Variants in TTC22 observed in about 807,000 individuals in gnomAD.
The protein encoded by TTC22 is tetratricopeptide repeat domain 22, also known as tetratricopeptide repeat protein 22.
TTC22 carries 42 observed loss-of-function variants against 48.2 expected under a neutral mutation model. The ratio of observed to expected loss-of-function variants is 0.87; its 90% CI spans 0.68 to 1.13. TTC22 has a LOEUF of 1.13. Ranked by LOEUF, TTC22 falls within the 50% of genes most tolerant of loss-of-function variation. TTC22 has a pLI of 0.00. For synonymous variants in TTC22, 345 were observed against 365.5 expected, an observed-to-expected ratio of 0.94 and a Z score of 0.64; for missense variants, 784 against 807.0, an observed-to-expected ratio of 0.97 and a Z score of 0.34.
At chr1:54,785,540 A>G in intron 5 of TTC22, 2 of 452,794 alleles carry the variant, frequency 4.4e-6, no homozygotes, top group Non-Finnish European at 8.8e-6. Context: ...GGCTGGGTGT[A>G]GTGGCTCACA....
intron 5 of TTC22, chr1:54,785,164 A>T (rs1479187082): frequency 5.1e-6 from 1 of 196,084 alleles, no homozygotes; most frequent in Non-Finnish European, 1.1e-5. Flanking sequence ...TGGGATTTGA[A>T]CCAAGGCTGT....
Position 54,787,017 on chromosome 1 carries a change from G to A in TTC22, c.798C>T (p.Thr266=), listed in dbSNP as rs982194388. Residue 266 remains threonine (T), a synonymous_variant, in exon 4 of 7, where the codon ACC becomes ACT. Transcript: ENST00000371276. ...LLERKDTFST[T]PMGVHDCGYS... ...ACCCGCAGTCATGGACGCCCATGGGGGTGGTGGAGAAGGTGTCCTTCCGCT... is the reference window on the plus strand; with the variant it reads ...ACCCGCAGTCATGGACGCCCATGGGAGTGGTGGAGAAGGTGTCCTTCCGCT... The A allele has an allele frequency of 6.4e-7, 1 of 1,563,690 alleles. No homozygotes were observed. The highest frequency in any genetic ancestry group is 8.7e-7 in the Non-Finnish European group (1 of 1,155,414).
rs1355752166 is a variant in TTC22 at position 54,800,862 on chromosome 1, T to C, written c.302A>G (p.Asn101Ser). The change falls in exon 1 of 7, where the codon AAT (asparagine) becomes AGT (serine). Residue 101 changes from asparagine (N) to serine (S), a missense_variant. Transcript: ENST00000371276. ...EVAHEHPGNL[N>S]AWANLAHVYG... is the part of the protein sequence containing the mutation. ...CACGTGTGCCAGATTGGCCCAGGCA[T>C]TGAGGTTGCCCGGGTGCTCGTGGGC... 5 of 1,610,198 alleles carry C rather than the reference T, an allele frequency of 3.1e-6. No homozygotes were observed. The highest frequency in any genetic ancestry group is 4.2e-6 in the Non-Finnish European group (5 of 1,179,162).
intron 1 of TTC22, among the ~76,000 whole-genome samples, chr1:54,788,304 C>A (rs566026707): frequency 6.6e-6 from 1 of 152,266 alleles, no homozygotes; most frequent in South Asian, 2.1e-4. Context: ...ACTACAGAGA[C>A]TTTGTGAGGG....
chr1:54,793,941 C>A (rs1029732274), intron 1 of TTC22, among the ~76,000 whole-genome samples: 2 of 152,140 alleles, frequency 1.3e-5, no homozygotes, highest in African/African-American at 4.8e-5. Flanking sequence ...CCTAGACAAG[C>A]GGTTTTCAAA....
chr1:54,795,531 T>A (rs1236835728), intron 1 of TTC22, among the ~76,000 whole-genome samples: 1 of 152,154 alleles, frequency 6.6e-6, no homozygotes, highest in Non-Finnish European at 1.5e-5. Context: ...AGAGGGCCAT[T>A]CCCTATCTGG....
Position 54,781,355 on chromosome 1 carries a change from CG to C in TTC22, c.1597del (p.Arg533GlyfsTer57). ...GHTDEVLGLARALVAQGRPAL... is the reference protein window; with the variant it reads ...GHTDEVLGLAXALVAQGRPAL... ...CGGCCGTCCCTGGGCCACCAGGGCC[CG>C]GGCCAGCCCCAACACCTCGTCCGTG... On this transcript the variant is annotated frameshift_variant, in exon 7 of 7. Coordinates refer to ENST00000371276, the MANE Select transcript of TTC22 (RefSeq NM_001114108.2). LOFTEE classifies it low-confidence loss of function (END_TRUNC). 1 of 1,399,692 alleles carries C rather than the reference CG, an allele frequency of 7.1e-7. No individual in the cohort carries two copies. The allele number at this position is 1,399,692 out of a possible 1,614,324, so 86.7% of individuals were successfully genotyped here.
At chr1:54,789,593 G>C (rs908153699) in intron 1 of TTC22, among the ~76,000 whole-genome samples, 1 of 152,168 alleles carries the variant, frequency 6.6e-6, no homozygotes, top group African/African-American at 2.4e-5. Flanking sequence ...ACCCAAAAGG[G>C]GCCCCACTAA....
Position 54,800,686 on chromosome 1 carries a change from C to A in TTC22, c.478G>T (p.Asp160Tyr). Residue 160 changes from aspartate to tyrosine, a missense_variant, in exon 1 of 7, where the codon GAC (aspartate) becomes TAC (tyrosine). Transcript: ENST00000371276. ...TCCTCTGGGCTGGCGCAGCCGACGT[C>A]GAAGCCATGCGCGTAGCCCTGCTCG... Reference protein sequence around the residue: ...LAEQGYAHGFDVGCASPEERA... With the variant: ...LAEQGYAHGFYVGCASPEERA... 1 of 1,549,042 alleles carries A rather than the reference C, an allele frequency of 6.5e-7. No individual in the cohort carries two copies. The highest frequency in any genetic ancestry group is 8.6e-7 in the Non-Finnish European group (1 of 1,156,182).
At chr1:54,790,867 C>T (rs1320030993) in intron 1 of TTC22, among the ~76,000 whole-genome samples, 1 of 152,006 alleles carries the variant, frequency 6.6e-6, no homozygotes, top group African/African-American at 2.4e-5. Flanking sequence ...CCTTCTTCTT[C>T]TTCCTCTTTT....
chr1:54,785,570 G>T, intron 5 of TTC22: 1 of 452,154 alleles, frequency 2.2e-6, no homozygotes, highest in South Asian at 1.6e-5. Context: ...CCAGCACTTT[G>T]GGAGGTCGAG....
At chr1:54,797,736 CTGAA>C (rs1646403443) in intron 1 of TTC22, among the ~76,000 whole-genome samples, 1 of 152,208 alleles carries the variant, frequency 6.6e-6, no homozygotes, top group Non-Finnish European at 1.5e-5. Context: ...GGATTACGGG[CTGAA>C]TGATTAACTT....
intron 6 of TTC22, among the ~76,000 whole-genome samples, 170 bp downstream of exon 6, chr1:54,782,155 A>G (rs1009232894): frequency 2.6e-5 from 4 of 152,248 alleles, no homozygotes; most frequent in African/African-American, 7.2e-5. Context: ...GCCTTATTCT[A>G]AATACTGTAC....
chr1:54,784,473 C>T, intron 5 of TTC22: 1 of 888,136 alleles, frequency 1.1e-6, no homozygotes. Context: ...TTCTATGTGG[C>T]CTCATTTGTA....
intron 3 of TTC22, 151 bp from the exon 4 acceptor site, chr1:54,787,226 AG>A: frequency 1.8e-6 from 1 of 546,194 alleles, no homozygotes; most frequent in Non-Finnish European, 3.2e-6. Context: ...AGAGAAGCAA[AG>A]GTGGAGAGAG....
At chr1:54,795,600 C>T (rs185238529) in intron 1 of TTC22, among the ~76,000 whole-genome samples, 41 of 152,320 alleles carry the variant, frequency 2.7e-4, no homozygotes, top group Non-Finnish European at 4.1e-4. Context: ...GCAGAAGTCT[C>T]TTACCCTCTG....
intron 1 of TTC22, among the ~76,000 whole-genome samples, chr1:54,797,757 T>C (rs1179222397): frequency 1.3e-5 from 2 of 152,254 alleles, no homozygotes; most frequent in African/African-American, 4.8e-5. Context: ...ACTTTTATAA[T>C]GTTTTCTTTT....
At position 54,780,475 on chromosome 1, in the gene TTC22, C is replaced by A. The variant is rs1487228514; in HGVS notation, c.*768G>T. On this transcript the variant is annotated 3_prime_UTR_variant, in exon 7 of 7. Coordinates refer to ENST00000371276, the MANE Select transcript of TTC22 (RefSeq NM_001114108.2). ...TGCACTCCAGCATGGGCAACAAGAG[C>A]GAAACTCCCTCTCAAAAAAAAAAAA... 2 of 126,092 alleles carry A rather than the reference C, an allele frequency of 1.6e-5. No homozygotes were observed. Among genetic ancestry groups the A allele is most frequent in the African/African-American group, 6.3e-5 (2 of 31,530 alleles). 7.8% of individuals were successfully genotyped at this position (126,092 alleles called of 1,614,324 possible). A position where few individuals can be genotyped will look rare whatever the true frequency, so the allele number is the denominator to read the frequency against.
intron 1 of TTC22, among the ~76,000 whole-genome samples, chr1:54,795,277 C>T (rs775933296): frequency 1.3e-5 from 2 of 152,218 alleles, no homozygotes; most frequent in African/African-American, 4.8e-5. Flanking sequence ...AGGTGGTATG[C>T]GCACAGGTGG....
Sources: gnomAD v4.1 joint callset for allele counts (sites outside exome capture counted in the v4.1 genomes callset) on GRCh38, gnomAD v4.1.1 for gene constraint, MANE v1.5 for transcripts, NCBI Gene and HGNC (gene_info 2026-07-23, HGNC 2026-07-21) for gene names.